Variants in TXNRD3 observed in about 807,000 individuals in gnomAD.
TXNRD3 encodes thioredoxin reductase 3.
In TXNRD3, 68 loss-of-function variants were observed where a neutral mutation model predicts 78.2. The observed-to-expected ratio is 0.87, with a 90% CI of 0.72 to 1.06. The LOEUF (loss-of-function observed/expected upper bound fraction) is 1.06. TXNRD3 is among the 50% of genes least tolerant of loss of function. The pLI is 0.00. For synonymous variants in TXNRD3, 296 were observed against 300.1 expected (o/e 0.99, Z 0.14); for missense variants, 751 against 809.5 (o/e 0.93, Z 0.88).
chr3:126,617,002 G>A (rs72971188), intron 12 of TXNRD3, among the ~76,000 whole-genome samples: 36 of 152,246 alleles, frequency 2.4e-4, no homozygotes, highest in African/African-American at 7.7e-4. Flanking sequence ...ACATGTTGCC[G>A]ATCCATTTAT....
intron 6 of TXNRD3, among the ~76,000 whole-genome samples, chr3:126,639,721 C>A (rs148067770): frequency 0.02 from 3,010 of 152,146 alleles, 100 homozygotes; most frequent in African/African-American, 0.067. Context: ...CAGGTGCATG[C>A]CACCATGCCT....
In TXNRD3 at chr3:126,629,389, A is replaced by G; in HGVS notation, c.1280T>C (p.Val427Ala). ...AAAATAAAAACTCACTGTGTTATAG[A>G]CTCCTTCAATTGTTTCTGTTCCTTC... The change falls in exon 10 of 16, where the codon GTC (valine) becomes GCC (alanine). Residue 427 changes from valine to alanine, a missense_variant. Coordinates refer to ENST00000524230, the MANE Select transcript of TXNRD3 (RefSeq NM_052883.3). 2.0e-6 allele frequency: 3 copies of G among 1,534,606 alleles called. No individual in the cohort carries two copies. The highest frequency in any genetic ancestry group is 2.6e-6 in the Non-Finnish European group (3 of 1,145,802).
Position 126,629,503 on chromosome 3 carries a change from C to T in TXNRD3, c.1198-32G>A, listed in dbSNP as rs1255954548. On this transcript the variant is annotated intron_variant, in intron 9 of 15. Transcript: ENST00000524230. ...AGAATGAAGAGTGTAATGATGTTAT[C>T]TAAATATGATAAAAAAGAAATACAC... 2.0e-6 allele frequency: 3 copies of T among 1,474,510 alleles called. No homozygotes were observed. In the Admixed American group the frequency reaches 6.1e-5, roughly 30 times the overall value. 91.3% of individuals were successfully genotyped at this position (1,474,510 alleles called of 1,614,324 possible).
chr3:126,632,397 T>A (rs570468932), intron 7 of TXNRD3, among the ~76,000 whole-genome samples: 29 of 152,142 alleles, frequency 1.9e-4, no homozygotes, highest in Non-Finnish European at 3.1e-4. Context: ...ATTTTCATTT[T>A]AAAAAAATTC....
intron 10 of TXNRD3, among the ~76,000 whole-genome samples, chr3:126,625,387 T>A (rs996271605): frequency 6.8e-6 from 1 of 146,252 alleles, no homozygotes; most frequent in African/African-American, 2.5e-5. Flanking sequence ...TTCCCACCTA[T>A]GAGTGAGAAC....
intron 12 of TXNRD3, among the ~76,000 whole-genome samples, chr3:126,618,235 T>C (rs530433705): frequency 1.4e-4 from 21 of 152,138 alleles, no homozygotes; most frequent in Non-Finnish European, 2.9e-4. Flanking sequence ...AAAATTTTTA[T>C]GAAACCACAA....
chr3:126,629,555 G>A, intron 9 of TXNRD3, 84 bp from the exon 10 acceptor site: 1 of 1,042,418 alleles, frequency 9.6e-7, no homozygotes, highest in South Asian at 1.6e-5. Context: ...GTATGTTCGT[G>A]TACATTTGTG....
At chr3:126,618,107 G>T (rs1159652672) in intron 12 of TXNRD3, among the ~76,000 whole-genome samples, 1 of 152,112 alleles carries the variant, frequency 6.6e-6, no homozygotes, top group Non-Finnish European at 1.5e-5. Context: ...CCATGCTCAT[G>T]GATTGGAAGA....
At chr3:126,638,670 G>A (rs1412949980) in intron 6 of TXNRD3, among the ~76,000 whole-genome samples, 2 of 152,056 alleles carry the variant, frequency 1.3e-5, no homozygotes, top group Non-Finnish European at 2.9e-5. Flanking sequence ...GGAGATGGAG[G>A]AACGCAGTGA....
intron 1 of TXNRD3, among the ~76,000 whole-genome samples, chr3:126,654,228 A>G (rs1933455649): frequency 6.6e-6 from 1 of 152,164 alleles, no homozygotes; most frequent in African/African-American, 2.4e-5. Flanking sequence ...ACTCAACCCA[A>G]TAGTTTATGC....
chr3:126,644,615 C>T (rs1415360587), intron 3 of TXNRD3, among the ~76,000 whole-genome samples: 1 of 152,144 alleles, frequency 6.6e-6, no homozygotes, highest in Non-Finnish European at 1.5e-5. Context: ...ATGTTTTTGT[C>T]CCTTCTTACA....
intron 10 of TXNRD3, among the ~76,000 whole-genome samples, chr3:126,628,510 A>T (rs1938631980): frequency 6.6e-6 from 1 of 152,162 alleles, no homozygotes; most frequent in South Asian, 2.1e-4. Flanking sequence ...AAAAATGAGC[A>T]GCATTTGTAT....
rs765359945 is a variant in TXNRD3, at chr3:126,630,748, A to G, written c.1161T>C (p.His387=). Residue 387 remains histidine, a synonymous_variant, in exon 9 of 16, where the codon CAT becomes CAC. Transcript: ENST00000524230. ...TGAATTTCCGTAGGAACTTCACACC[A>G]TGCTGCTCCATGTAGGAACCCACTT... 5.2e-6 allele frequency: 8 copies of G among 1,534,302 alleles called. No individual in the cohort carries two copies. The African/African-American group carries it at 8.2e-5, about 16-fold the overall frequency.
intron 14 of TXNRD3, among the ~76,000 whole-genome samples, chr3:126,610,624 G>A (rs968823746): frequency 1.3e-5 from 2 of 152,126 alleles, no homozygotes; most frequent in African/African-American, 4.8e-5. Flanking sequence ...CTTATTATTT[G>A]ATGACCAAAA....
chr3:126,651,083 T>C lies in TXNRD3; in HGVS notation c.243+3665A>G, dbSNP rs577740725. ...AGCCCAATGAAGAAACAAATCTCTCTCCTTGACTCTGCAAGGATAAGAACA... is the reference window on the plus strand; with the variant it reads ...AGCCCAATGAAGAAACAAATCTCTCCCCTTGACTCTGCAAGGATAAGAACA... On this transcript the variant is annotated intron_variant, in intron 1 of 15. Coordinates refer to ENST00000524230, the MANE Select transcript of TXNRD3 (RefSeq NM_052883.3). 1.4e-4 allele frequency among the ~76,000 whole-genome samples: 21 copies of C among 152,284 alleles called. No homozygotes were observed. In the East Asian group the frequency reaches 4.0e-3, roughly 29 times the overall value.
At chr3:126,652,176 T>C (rs982373212) in intron 1 of TXNRD3, among the ~76,000 whole-genome samples, 1 of 152,106 alleles carries the variant, frequency 6.6e-6, no homozygotes. Context: ...CTTACAATGA[T>C]GGCAAAAGGC....
chr3:126,611,231 G>T, intron 13 of TXNRD3, 99 bp from the exon 14 acceptor site: 2 of 712,574 alleles, frequency 2.8e-6, no homozygotes, highest in Non-Finnish European at 4.0e-6. Flanking sequence ...CTCCATAGCA[G>T]CTTTCGGAAA....
chr3:126,612,863 G>A (rs1330188926), intron 13 of TXNRD3, among the ~76,000 whole-genome samples: 3 of 152,168 alleles, frequency 2.0e-5, no homozygotes, highest in Non-Finnish European at 2.9e-5. Flanking sequence ...ACCCTTTAAT[G>A]GATGGCCTGT....
chr3:126,651,916 G>T (rs1043492855), intron 1 of TXNRD3, among the ~76,000 whole-genome samples: 2 of 152,110 alleles, frequency 1.3e-5, no homozygotes, highest in Non-Finnish European at 2.9e-5. Flanking sequence ...TCTCTGAATA[G>T]AAACAGATTT....
Sources: gnomAD v4.1 joint callset for allele counts (sites outside exome capture counted in the v4.1 genomes callset) on GRCh38, gnomAD v4.1.1 for gene constraint, MANE v1.5 for transcripts, NCBI Gene and HGNC (gene_info 2026-07-23, HGNC 2026-07-21) for gene names.